Variants in PPM1L observed in about 807,000 individuals in gnomAD.
PPM1L encodes protein phosphatase 1L.
In PPM1L, 13 loss-of-function variants were observed where a neutral mutation model predicts 31.4. The observed-to-expected ratio is 0.41, with a 90% CI of 0.27 to 0.66. PPM1L has a LOEUF of 0.66. PPM1L is among the 30% of genes least tolerant of loss of function. The pLI is 0.29. For synonymous variants in PPM1L, 184 were observed against 175.4 expected, an observed-to-expected ratio of 1.05 and a Z score of -0.39; for missense variants, 326 against 453.7, an observed-to-expected ratio of 0.72 and a Z score of 2.56.
intron 1 of PPM1L, among the ~76,000 whole-genome samples, chr3:160,827,001 T>A (rs551807444): frequency 1.3e-5 from 2 of 152,050 alleles, no homozygotes; most frequent in South Asian, 4.2e-4. Context: ...AAGGAGAAAA[T>A]AAAATACAAA....
chr3:160,894,352 T>G (rs1713264106), intron 1 of PPM1L, among the ~76,000 whole-genome samples: 1 of 152,070 alleles, frequency 6.6e-6, no homozygotes, highest in Admixed American at 6.5e-5. Flanking sequence ...ACACCATATG[T>G]AACTGTTGGC....
At chr3:160,872,247 C>T (rs1348033291) in intron 1 of PPM1L, among the ~76,000 whole-genome samples, 1 of 152,198 alleles carries the variant, frequency 6.6e-6, no homozygotes, top group African/African-American at 2.4e-5. Context: ...TTATAGCATC[C>T]AGCTAGCCAG....
intron 2 of PPM1L, among the ~76,000 whole-genome samples, chr3:161,011,457 T>C (rs1402141725): frequency 6.6e-6 from 1 of 152,190 alleles, no homozygotes; most frequent in Non-Finnish European, 1.5e-5. Context: ...GCGTGATGCC[T>C]CCAGCTTTGT....
intron 2 of PPM1L, among the ~76,000 whole-genome samples, chr3:161,047,752 T>G (rs1488352626): frequency 4.7e-5 from 7 of 148,020 alleles, no homozygotes; most frequent in African/African-American, 1.7e-4. Flanking sequence ...CAGACCAATG[T>G]AACAGAACAG....
At chr3:161,002,656 A>G (rs1717539334) in intron 2 of PPM1L, among the ~76,000 whole-genome samples, 1 of 144,912 alleles carries the variant, frequency 6.9e-6, no homozygotes, top group Non-Finnish European at 1.5e-5. Context: ...GTGTCTGTTC[A>G]TGTCCTTCGC....
At chr3:160,968,675 T>A (rs539325657) in intron 2 of PPM1L, among the ~76,000 whole-genome samples, 1 of 152,136 alleles carries the variant, frequency 6.6e-6, no homozygotes, top group Non-Finnish European at 1.5e-5. Context: ...ATGAGGAGAG[T>A]AGGCCCATTT....
chr3:161,025,127 TC>T (rs1212192729), intron 2 of PPM1L, among the ~76,000 whole-genome samples: 2 of 152,182 alleles, frequency 1.3e-5, no homozygotes, highest in Non-Finnish European at 2.9e-5. Context: ...TCCAGAAGTC[TC>T]TTATGTATAG....
At chr3:161,053,904 TA>T (rs2108100700) in intron 2 of PPM1L, among the ~76,000 whole-genome samples, 1 of 152,374 alleles carries the variant, frequency 6.6e-6, no homozygotes, top group East Asian at 1.9e-4. Flanking sequence ...CAATAGTTGA[TA>T]TGTTTGCTTA....
rs2306061 is a variant in PPM1L, at chr3:161,069,714, C to T, written c.*557C>T. The T allele has an allele frequency of 0.6, 91,840 of 153,622 alleles. 28,596 individuals carry two copies. Among genetic ancestry groups the T allele is most frequent in the East Asian group, 0.9 (4,684 of 5,186 alleles). 9.5% of individuals were successfully genotyped at this position (153,622 alleles called of 1,614,324 possible). ...TTGGAAGCAGATTTGGAATGGTTTA[C>T]TATTTTGGCTGCTCTTGGGGACTGC... On this transcript the variant is annotated 3_prime_UTR_variant, in exon 4 of 4. Transcript: ENST00000498165.
At chr3:160,987,143 C>G (rs1030424894) in intron 2 of PPM1L, among the ~76,000 whole-genome samples, 11 of 152,118 alleles carry the variant, frequency 7.2e-5, no homozygotes, top group African/African-American at 2.7e-4. Flanking sequence ...ATATCATGTA[C>G]AAGTAGTGTA....
In PPM1L at chr3:161,046,912, A is replaced by G. The variant is rs534361250; in HGVS notation, c.575-18491A>G. ...CAGCCCTTCATGCTAAAAACTCTCA[A>G]TAAATTCGGTATTGATGGGACGTAT... is the stretch of plus-strand genomic sequence containing the variant. On this transcript the variant is annotated intron_variant, in intron 2 of 3. Transcript: ENST00000498165. 3.8e-4 allele frequency among the ~76,000 whole-genome samples: 58 copies of G among 152,332 alleles called. 1 individual carries two copies. In the South Asian group the frequency reaches 0.01, roughly 27 times the overall value.
At chr3:160,899,230 C>T (rs1285629402) in intron 1 of PPM1L, among the ~76,000 whole-genome samples, 1 of 152,126 alleles carries the variant, frequency 6.6e-6, no homozygotes, top group Non-Finnish European at 1.5e-5. Flanking sequence ...AACCTATGCT[C>T]TTACGATTAG....
rs146289852 is a variant in PPM1L at position 160,821,938 on chromosome 3, C to T, written c.399+65231C>T. On this transcript the variant is annotated intron_variant, in intron 1 of 3. Coordinates refer to ENST00000498165, the MANE Select transcript of PPM1L (RefSeq NM_139245.4). ...ACTAAATATATTATCTATATAATTT[C>T]GTTTAATTATCTTGATAGTCTAAGG... 8.6e-5 allele frequency among the ~76,000 whole-genome samples: 13 copies of T among 151,928 alleles called. No individual in the cohort carries two copies. In the East Asian group the frequency reaches 1.7e-3, roughly 20 times the overall value.
Position 160,905,575 on chromosome 3 carries a change from A to G in PPM1L, c.400-56161A>G, listed in dbSNP as rs933698059. Among the ~76,000 whole-genome samples, 3 of 152,232 alleles carry G rather than the reference A, an allele frequency of 2.0e-5. No individual in the cohort carries two copies. The East Asian group carries it at 5.8e-4, about 29-fold the overall frequency. On this transcript the variant is annotated intron_variant, in intron 1 of 3. Coordinates refer to ENST00000498165, the MANE Select transcript of PPM1L (RefSeq NM_139245.4). ...AATACTTGTAATCAGAATCATAATC[A>G]TAATATACTGATACTTTATATACAT...
At chr3:160,802,924 G>A (rs1436767962) in intron 1 of PPM1L, among the ~76,000 whole-genome samples, 2 of 152,210 alleles carry the variant, frequency 1.3e-5, no homozygotes, top group Non-Finnish European at 2.9e-5. Flanking sequence ...GCTGTACAGA[G>A]TCTTGGGAGA....
At chr3:160,847,224 T>C (rs1446804514) in intron 1 of PPM1L, among the ~76,000 whole-genome samples, 2 of 152,202 alleles carry the variant, frequency 1.3e-5, no homozygotes, top group African/African-American at 2.4e-5. Flanking sequence ...TTGAGACTTA[T>C]TCAAGGTCAC....
intron 2 of PPM1L, among the ~76,000 whole-genome samples, chr3:161,029,072 T>TACAA (rs1202089777): frequency 6.6e-6 from 1 of 152,206 alleles, no homozygotes; most frequent in Non-Finnish European, 1.5e-5. Context: ...CCAGCACATA[T>TACAA]ACAAACAAAC....
intron 1 of PPM1L, among the ~76,000 whole-genome samples, chr3:160,922,651 T>C (rs1714455178): frequency 1.3e-5 from 2 of 152,198 alleles, no homozygotes; most frequent in East Asian, 3.9e-4. Flanking sequence ...ATGAGATAGA[T>C]TGAATTTGGA....
At chr3:160,816,188 G>T (rs1712988414) in intron 1 of PPM1L, among the ~76,000 whole-genome samples, 1 of 151,826 alleles carries the variant, frequency 6.6e-6, no homozygotes, top group Non-Finnish European at 1.5e-5. Context: ...AGAGTAAAAA[G>T]TATTGGGGAC....
Sources: gnomAD v4.1 joint callset for allele counts (sites outside exome capture counted in the v4.1 genomes callset) on GRCh38, gnomAD v4.1.1 for gene constraint, MANE v1.5 for transcripts, NCBI Gene and HGNC (gene_info 2026-07-23, HGNC 2026-07-21) for gene names.